SUMF1: variants seen among roughly 807,000 people sequenced by gnomAD.
SUMF1 encodes formylglycine-generating enzyme.
Under a neutral mutation model 47.6 loss-of-function variants are expected in SUMF1, and 48 were observed. The observed-to-expected ratio is 1.01, with a 90% confidence interval of 0.80 to 1.28. The LOEUF (loss-of-function observed/expected upper bound fraction) is 1.28, where lower values mean the gene tolerates loss of function less well. Ranked by LOEUF, SUMF1 falls within the 50% of genes most tolerant of loss-of-function variation. The pLI is 0.00. For synonymous variants in SUMF1, 230 were observed against 192.1 expected, an observed-to-expected ratio of 1.20 and a Z score of -1.63; for missense variants, 571 against 485.4, an observed-to-expected ratio of 1.18 and a Z score of -1.66.
Position 4,386,863 on chromosome 3 carries a change from G to T in SUMF1, c.955-10474C>A, listed in dbSNP as rs563599496. Among the ~76,000 whole-genome samples, 18 of 146,370 alleles carry T rather than the reference G, an allele frequency of 1.2e-4. No homozygotes were observed. The South Asian group carries it at 1.9e-3, about 16-fold the overall frequency. The stretch of plus-strand genomic sequence containing the variant: ...TCTTCTGCACTGATATAATCATGTG[G>T]TTTTTTTTTTTCTTCTTTTGCTTCT... On this transcript the variant is annotated intron_variant, in intron 7 of 8. Coordinates refer to ENST00000272902, the MANE Select transcript of SUMF1 (RefSeq NM_182760.4).
At chr3:4,160,978 C>CAGGTATTCAAAAGAAATT (rs1245219852) in intron 8 of SUMF1, among the ~76,000 whole-genome samples, 14 of 152,162 alleles carry the variant, frequency 9.2e-5, no homozygotes, top group Admixed American at 4.6e-4. Flanking sequence ...GAAGGCTTTC[C>CAGGTATTCAAAAGAAATT]AGGTATTCAA....
At chr3:4,191,406 G>A (rs1420277027) in intron 8 of SUMF1, among the ~76,000 whole-genome samples, 2 of 152,090 alleles carry the variant, frequency 1.3e-5, no homozygotes, top group African/African-American at 4.8e-5. Context: ...AAATGAAGAA[G>A]TAAAAGGTTA....
chr3:4,319,754 A>G (rs1413686367), intron 8 of SUMF1, among the ~76,000 whole-genome samples: 1 of 152,220 alleles, frequency 6.6e-6, no homozygotes, highest in East Asian at 1.9e-4. Flanking sequence ...TTGAAGCAAC[A>G]CACATTTCTT....
rs146765173 is a variant in SUMF1, at chr3:4,266,194, G to A, written c.1014+110136C>T. 3.3e-5 allele frequency among the ~76,000 whole-genome samples: 5 copies of A among 152,270 alleles called. No homozygotes were observed. In the East Asian group the frequency reaches 9.6e-4, roughly 29 times the overall value. Reference sequence around the variant, plus strand: ...CTCCAGCTTTGTTCTTTTGGCTTAGGATTGACTTGGCCACACGGGCTCTTT... The same window carrying A: ...CTCCAGCTTTGTTCTTTTGGCTTAGAATTGACTTGGCCACACGGGCTCTTT... On this transcript the variant is annotated intron_variant and NMD_transcript_variant, in intron 8 of 12. Coordinates refer to the SUMF1 transcript ENST00000448413.
intron 8 of SUMF1, among the ~76,000 whole-genome samples, chr3:4,142,405 G>C (rs1694092061): frequency 6.6e-6 from 1 of 152,122 alleles, no homozygotes. Context: ...CTACACTGAA[G>C]TCTTACTGAG....
At chr3:4,053,293 T>C (rs949075745) in intron 9 of SUMF1, among the ~76,000 whole-genome samples, 3 of 152,094 alleles carry the variant, frequency 2.0e-5, no homozygotes, top group African/African-American at 7.2e-5. Flanking sequence ...TGGACATGGT[T>C]CGTGGCACCC....
chr3:4,074,637 TA>T (rs1217410486), intron 8 of SUMF1, among the ~76,000 whole-genome samples: 2 of 151,492 alleles, frequency 1.3e-5, no homozygotes, highest in African/African-American at 4.9e-5. Flanking sequence ...ATAGACCCAA[TA>T]AAAAATGATA....
chr3:4,366,506 A>G (rs1699962762), intron 8 of SUMF1, among the ~76,000 whole-genome samples: 1 of 150,650 alleles, frequency 6.6e-6, no homozygotes. Flanking sequence ...AGTTGATTGC[A>G]TCGACTCCTG....
chr3:4,118,528 G>A (rs1258320544), intron 8 of SUMF1, among the ~76,000 whole-genome samples: 6 of 152,226 alleles, frequency 3.9e-5, no homozygotes, highest in Non-Finnish European at 8.8e-5. Context: ...TATTTTAAAT[G>A]TGTACCTATA....
chr3:4,230,888 AT>A (rs1194001140), intron 8 of SUMF1, among the ~76,000 whole-genome samples: 2 of 152,020 alleles, frequency 1.3e-5, no homozygotes, highest in Non-Finnish European at 2.9e-5. Flanking sequence ...CCAAACACAT[AT>A]TTTTTATTTT....
chr3:4,360,029 A>T (rs571440041), downstream of SUMF1, among the ~76,000 whole-genome samples: 11 of 152,340 alleles, frequency 7.2e-5, no homozygotes, highest in African/African-American at 2.4e-4. Context: ...AAAAATACTT[A>T]CGCAATGTAA....
At chr3:4,350,905 G>A (rs1699486453) in intron 8 of SUMF1, among the ~76,000 whole-genome samples, 1 of 151,156 alleles carries the variant, frequency 6.6e-6, no homozygotes, top group Non-Finnish European at 1.5e-5. Flanking sequence ...CTAAATAAAA[G>A]GTTTGCCAAC....
intron 8 of SUMF1, among the ~76,000 whole-genome samples, chr3:4,214,898 T>G (rs112929930): frequency 6.6e-6 from 1 of 152,286 alleles, no homozygotes; most frequent in South Asian, 2.1e-4. Flanking sequence ...ATTGAGGCAG[T>G]AATTAATAGC....
chr3:4,125,075 G>A (rs1025683084), intron 8 of SUMF1, among the ~76,000 whole-genome samples: 5 of 151,976 alleles, frequency 3.3e-5, no homozygotes, highest in Non-Finnish European at 5.9e-5. Context: ...GCAGTTTTAT[G>A]TTTCTACAAA....
chr3:4,164,238 T>A (rs1694647565), intron 8 of SUMF1, among the ~76,000 whole-genome samples: 1 of 152,118 alleles, frequency 6.6e-6, no homozygotes. Context: ...CCTAGGATGG[T>A]AATGGACCTT....
chr3:4,133,192 T>G (rs1693832840), intron 8 of SUMF1, among the ~76,000 whole-genome samples: 1 of 152,192 alleles, frequency 6.6e-6, no homozygotes, highest in Admixed American at 6.5e-5. Flanking sequence ...TTCATTTTAT[T>G]TCCTTTCTCC....
intron 8 of SUMF1, among the ~76,000 whole-genome samples, chr3:4,075,058 G>A (rs918106634): frequency 1.4e-4 from 22 of 152,026 alleles, no homozygotes; most frequent in African/African-American, 5.1e-4. Context: ...GGAATTTTAG[G>A]CCAATATCCC....
At chr3:4,179,266 C>T (rs540801203) in intron 8 of SUMF1, among the ~76,000 whole-genome samples, 44 of 152,170 alleles carry the variant, frequency 2.9e-4, no homozygotes, top group South Asian at 1.2e-3. Flanking sequence ...GGAGGCATCA[C>T]GCTACCTGAC....
chr3:4,443,711 G>A (rs1286212706), intron 3 of SUMF1, among the ~76,000 whole-genome samples: 1 of 152,108 alleles, frequency 6.6e-6, no homozygotes. Flanking sequence ...GCTGCAGTGA[G>A]CCAAGATCGT....
Sources: gnomAD v4.1 joint callset for allele counts (sites outside exome capture counted in the v4.1 genomes callset) on GRCh38, gnomAD v4.1.1 for gene constraint, MANE v1.5 for transcripts, NCBI Gene and HGNC (gene_info 2026-07-23, HGNC 2026-07-21) for gene names.